The following SIPA1L3 variants were observed in gnomAD, a reference collection of about 807,000 sequenced individuals.
SIPA1L3 encodes signal-induced proliferation-associated 1-like protein 3.
A neutral mutation model predicts 150.1 loss-of-function variants in SIPA1L3; 59 were observed. That is an observed-to-expected ratio of 0.39 (90% CI 0.32 to 0.49). The LOEUF is 0.49. SIPA1L3 is among the 20% of genes least tolerant of loss of function. The pLI is 0.86. For synonymous variants in SIPA1L3, 1,070 were observed against 1,077.6 expected, an observed-to-expected ratio of 0.99 and a Z score of 0.14; for missense variants, 2,211 against 2,489.5, an observed-to-expected ratio of 0.89 and a Z score of 2.38.
rs762497504 is a variant in SIPA1L3, at chr19:38,047,898, C to A, written c.-311+18742C>A. The stretch of plus-strand genomic sequence containing the variant: ...AGCTCCAGTCAGCTGGGGATTAACC[C>A]CCTGCCGTCATCAGGAGAAATACAA... On this transcript the variant is annotated intron_variant, in intron 2 of 21. Coordinates refer to ENST00000222345, the MANE Select transcript of SIPA1L3 (RefSeq NM_015073.3). This position sits in a 1 kb window ranked among gnomAD's most constrained non-coding sequence, Gnocchi z 4.7. Among the ~76,000 whole-genome samples the A allele has an allele frequency of 8.5e-5, 13 of 152,324 alleles. No homozygotes were observed. In the East Asian group the frequency reaches 9.6e-4, roughly 11 times the overall value.
chr19:38,012,207 T>C (rs1345214972), intron 1 of SIPA1L3, among the ~76,000 whole-genome samples: 1 of 151,460 alleles, frequency 6.6e-6, no homozygotes, highest in Non-Finnish European at 1.5e-5. Context: ...ACCCTCAGCC[T>C]CCTGGATAGC....
At chr19:38,043,602 T>TGATGGCATG in intron 2 of SIPA1L3, among the ~76,000 whole-genome samples, 1 of 152,316 alleles carries the variant, frequency 6.6e-6, no homozygotes, top group Middle Eastern at 3.4e-3. Flanking sequence ...TGCCACCGTA[T>TGATGGCATG]ATATGAAGAA....
intron 1 of SIPA1L3, among the ~76,000 whole-genome samples, chr19:37,995,689 G>A (rs768745966): frequency 6.6e-6 from 1 of 152,176 alleles, no homozygotes; most frequent in Non-Finnish European, 1.5e-5. Flanking sequence ...GAACAAAAGC[G>A]GGTTGGGACA....
chr19:37,912,355 T>G (rs1162307279), intron 1 of SIPA1L3, among the ~76,000 whole-genome samples: 2 of 152,186 alleles, frequency 1.3e-5, no homozygotes, highest in African/African-American at 2.4e-5. Flanking sequence ...CTATATTAGT[T>G]GTGATACCTT....
chr19:38,055,006 T>C (rs1373228220), intron 2 of SIPA1L3, among the ~76,000 whole-genome samples: 1 of 152,188 alleles, frequency 6.6e-6, no homozygotes, highest in Non-Finnish European at 1.5e-5. Flanking sequence ...CCAAAGCCAG[T>C]GCTTGTAACT....
Position 38,119,779 on chromosome 19 carries a change from A to C in SIPA1L3, c.2765A>C (p.Asp922Ala). The change falls in exon 9 of 22, where the codon GAC becomes GCC. Residue 922 changes from aspartate (D) to alanine (A), a missense_variant. By Grantham distance (126) the Asp-to-Ala change is moderately radical. This residue lies in a region of SIPA1L3 where 625 missense variants were observed against 804.2 expected (regional missense o/e 0.78). Transcript: ENST00000222345. ...GGGGATGTCATTGGCTGGACTCCAG[A>C]CTCCTCCACACTCAAAATCTTCTAT... ...YCGDVIGWTP[D>A]SSTLKIFYGR... The C allele has an allele frequency of 6.2e-7, 1 of 1,613,662 alleles. No individual in the cohort carries two copies. The highest frequency in any genetic ancestry group is 8.5e-7 in the Non-Finnish European group (1 of 1,179,974).
intron 2 of SIPA1L3, among the ~76,000 whole-genome samples, chr19:38,049,564 G>A (rs185108605): frequency 2.0e-5 from 3 of 152,234 alleles, no homozygotes; most frequent in East Asian, 1.9e-4. Flanking sequence ...GTGAGCATCC[G>A]CCTACCTTTG....
intron 2 of SIPA1L3, among the ~76,000 whole-genome samples, chr19:38,036,283 C>T (rs919693570): frequency 1.3e-5 from 2 of 152,226 alleles, no homozygotes; most frequent in African/African-American, 4.8e-5. Context: ...GTTGTCAGCC[C>T]GAATTAGCCC....
chr19:37,965,026 C>G (rs2046890781), intron 1 of SIPA1L3, among the ~76,000 whole-genome samples: 1 of 152,138 alleles, frequency 6.6e-6, no homozygotes, highest in Non-Finnish European at 1.5e-5. Context: ...AATGCATTAG[C>G]ATGAAAGTAT....
chr19:38,009,581 T>TA (rs1968050377), intron 1 of SIPA1L3, among the ~76,000 whole-genome samples: 3 of 152,146 alleles, frequency 2.0e-5, no homozygotes, highest in African/African-American at 7.2e-5. Flanking sequence ...CAATTGCTGT[T>TA]ACCTCATTTA....
At chr19:38,181,938 G>A (rs929780273) in intron 15 of SIPA1L3, among the ~76,000 whole-genome samples, 1 of 151,786 alleles carries the variant, frequency 6.6e-6, no homozygotes, top group Non-Finnish European at 1.5e-5. Context: ...GATTGCTTGA[G>A]CCCAGGAGCT....
intron 1 of SIPA1L3, chr19:37,907,821 T>C (rs2046347496): frequency 6.6e-6 from 1 of 152,234 alleles, no homozygotes; most frequent in African/African-American, 2.4e-5. Context: ...TGAGGATTAG[T>C]TGAGCGTGTG....
chr19:38,077,271 T>C (rs779507338), intron 2 of SIPA1L3, among the ~76,000 whole-genome samples: 61 of 151,882 alleles, frequency 4.0e-4, no homozygotes, highest in Non-Finnish European at 6.2e-4. Flanking sequence ...GGCAACATAC[T>C]AAGACCCCAC....
At position 38,119,796 on chromosome 19, in the gene SIPA1L3, ATCT is replaced by A; in HGVS notation, c.2786_2788del (p.Phe929del). On this transcript the variant is annotated inframe_deletion, in exon 9 of 22. Coordinates refer to ENST00000222345, the MANE Select transcript of SIPA1L3 (RefSeq NM_015073.3). The stretch of plus-strand genomic sequence containing the variant: ...GACTCCAGACTCCTCCACACTCAAA[ATCT>A]TCTATGGACGAGGAGACCACATCTT... The A allele has an allele frequency of 6.2e-7, 1 of 1,613,858 alleles. No individual in the cohort carries two copies. Among genetic ancestry groups the A allele is most frequent in the Non-Finnish European group, 8.5e-7 (1 of 1,180,022 alleles).
At chr19:37,999,192 G>A (rs1211306566) in intron 1 of SIPA1L3, among the ~76,000 whole-genome samples, 1 of 152,160 alleles carries the variant, frequency 6.6e-6, no homozygotes. Flanking sequence ...ACAGATAGTG[G>A]ATTTCAGGCC....
rs1448570543 is a variant in SIPA1L3, at chr19:38,000,927, TATATAAC to T, written c.-378-28156_-378-28150del. 9.0e-3 allele frequency among the ~76,000 whole-genome samples: 1,206 copies of T among 133,378 alleles called. 16 individuals are homozygous for T. The highest frequency in any genetic ancestry group is 0.032 in the African/African-American group (1,115 of 34,882). 87.5% of individuals were successfully genotyped at this position (133,378 alleles called of 152,430 possible). On this transcript the variant is annotated intron_variant, in intron 1 of 21. Coordinates refer to ENST00000222345, the MANE Select transcript of SIPA1L3 (RefSeq NM_015073.3). ...ATATATATAACATATATATAACATATATATAACATATATAACATATAACACACATATA... is the reference window on the plus strand; with the variant it reads ...ATATATATAACATATATATAACATATATATATAACATATAACACACATATA...
In SIPA1L3 at chr19:38,204,181, G is replaced by A; in HGVS notation, c.5175G>A (p.Leu1725=). The A allele has an allele frequency of 6.4e-7, 1 of 1,558,262 alleles. No individual in the cohort carries two copies. Among genetic ancestry groups the A allele is most frequent in the Non-Finnish European group, 8.7e-7 (1 of 1,150,304 alleles). The change falls in exon 21 of 22, where the codon CTG becomes CTA. Residue 1725 remains leucine, a synonymous_variant. Transcript: ENST00000222345. ...TGKVYQLEVM[L]KQLHTDLQKE... ...AGGTGTACCAGCTGGAGGTGATGCT[G>A]AAACAGCTGCACACTGACCTGCAGA...
At chr19:37,999,601 C>T (rs1338677062) in intron 1 of SIPA1L3, among the ~76,000 whole-genome samples, 1 of 152,166 alleles carries the variant, frequency 6.6e-6, no homozygotes, top group Non-Finnish European at 1.5e-5. Context: ...GGGTCTCAGT[C>T]CGGGCGGGCG....
chr19:37,988,004 T>C (rs1967404604), intron 1 of SIPA1L3, among the ~76,000 whole-genome samples: 1 of 152,234 alleles, frequency 6.6e-6, no homozygotes, highest in South Asian at 2.1e-4. Context: ...CCAAATTCTC[T>C]CTCTATTCTC....
Sources: allele counts gnomAD v4.1 joint callset (sites outside exome capture counted in the v4.1 genomes callset), GRCh38; gene constraint gnomAD v4.1.1; regional missense constraint gnomAD v4.1.1; non-coding constraint Gnocchi (gnomAD v3.1); transcripts MANE v1.5; gene names NCBI Gene and HGNC (gene_info 2026-07-23, HGNC 2026-07-21).